The following ADCY9 variants were observed in gnomAD, a reference collection of about 807,000 sequenced individuals.
The protein encoded by ADCY9 is adenylate cyclase type 9.
In ADCY9, 50 loss-of-function variants were observed where a neutral mutation model predicts 101.5. The ratio of observed to expected loss-of-function variants is 0.49; its 90% CI spans 0.39 to 0.62. ADCY9 has a LOEUF of 0.62. Among genes scored for constraint, ADCY9 ranks in the 20% least tolerant of loss-of-function variants. The probability of loss-of-function intolerance (pLI) is 0.00; values close to 1 mark genes in which losing one functional copy is unlikely to be tolerated. For missense variants in ADCY9, 1,662 were observed against 1,800.4 expected (o/e 0.92, Z 1.39); for synonymous variants, 905 against 769.3 (o/e 1.18, Z -2.92).
intron 2 of ADCY9, among the ~76,000 whole-genome samples, chr16:4,047,505 T>C (rs567194327): frequency 2.1e-5 from 3 of 142,870 alleles, no homozygotes; most frequent in Admixed American, 6.7e-5. Context: ...TGGGGGGCAA[T>C]TGGATTGACA....
chr16:4,070,054 C>T (rs777201863), intron 2 of ADCY9, among the ~76,000 whole-genome samples: 2 of 152,054 alleles, frequency 1.3e-5, no homozygotes, highest in Non-Finnish European at 2.9e-5. Flanking sequence ...GTTAAGATTG[C>T]GCTACTGCAC....
intron 2 of ADCY9, among the ~76,000 whole-genome samples, chr16:4,069,535 C>T (rs2056820848): frequency 6.6e-6 from 1 of 151,950 alleles, no homozygotes; most frequent in African/African-American, 2.4e-5. Flanking sequence ...ATTCTATGAA[C>T]AATGAATAAA....
At chr16:3,969,017 T>C (rs895652593) in intron 10 of ADCY9, among the ~76,000 whole-genome samples, 2 of 152,210 alleles carry the variant, frequency 1.3e-5, no homozygotes, top group Non-Finnish European at 2.9e-5. Flanking sequence ...AGATTATTTT[T>C]GTACTTTTAC....
At chr16:4,055,925 G>T (rs1597197206) in intron 2 of ADCY9, among the ~76,000 whole-genome samples, 1 of 152,164 alleles carries the variant, frequency 6.6e-6, no homozygotes, top group African/African-American at 2.4e-5. Context: ...AAAGATGCCT[G>T]AGCCTGCAAG....
intron 3 of ADCY9, among the ~76,000 whole-genome samples, chr16:4,005,540 T>C (rs1253590662): frequency 6.6e-6 from 1 of 152,182 alleles, no homozygotes; most frequent in Non-Finnish European, 1.5e-5. Flanking sequence ...TCTGTCAACT[T>C]GATAGATCAC....
chr16:4,112,098 T>G (rs2057117401), intron 2 of ADCY9, among the ~76,000 whole-genome samples: 1 of 152,102 alleles, frequency 6.6e-6, no homozygotes, highest in African/African-American at 2.4e-5. Context: ...CGTCCCACAG[T>G]CTCCAAGGAC....
intron 2 of ADCY9, among the ~76,000 whole-genome samples, chr16:4,105,720 C>T (rs2057072785): frequency 1.3e-5 from 2 of 150,434 alleles, no homozygotes; most frequent in South Asian, 2.1e-4. Context: ...TGGTGGCATG[C>T]GCCTGTGTCC....
At chr16:4,023,711 G>A (rs1459738271) in intron 2 of ADCY9, among the ~76,000 whole-genome samples, 6 of 152,106 alleles carry the variant, frequency 3.9e-5, no homozygotes, top group East Asian at 1.9e-4. Flanking sequence ...TAAGGAGTTC[G>A]AGACCATCCT....
At chr16:4,100,536 G>A (rs551747329) in intron 2 of ADCY9, among the ~76,000 whole-genome samples, 31 of 151,992 alleles carry the variant, frequency 2.0e-4, no homozygotes, top group African/African-American at 5.6e-4. Flanking sequence ...TTGCCATGTC[G>A]GACAGGCTGG....
In ADCY9 at chr16:4,097,343, T is replaced by C. The variant is rs567583187; in HGVS notation, c.1693+16407A>G. Among the ~76,000 whole-genome samples, 291 of 151,002 alleles carry C rather than the reference T, an allele frequency of 1.9e-3. 1 individual carries two copies. The highest frequency in any genetic ancestry group is 6.7e-3 in the African/African-American group (275 of 41,102). ...CCGGAGCCTCTATTTAATGAACCAC[T>C]CAGTCATTCCAGCAAAGCGGTTACT... On this transcript the variant is annotated intron_variant, in intron 2 of 10. Transcript: ENST00000294016.
At chr16:4,085,134 G>A (rs1307599865) in intron 2 of ADCY9, among the ~76,000 whole-genome samples, 2 of 152,140 alleles carry the variant, frequency 1.3e-5, no homozygotes, top group African/African-American at 2.4e-5. Flanking sequence ...GGTCAAGGTG[G>A]GCAGATCGCT....
chr16:4,038,922 C>A (rs2056608332), intron 2 of ADCY9, among the ~76,000 whole-genome samples: 1 of 152,110 alleles, frequency 6.6e-6, no homozygotes, highest in Non-Finnish European at 1.5e-5. Context: ...TCTTCCAATT[C>A]ATCCTCCATT....
intron 10 of ADCY9, among the ~76,000 whole-genome samples, chr16:3,969,158 G>A (rs370105642): frequency 2.6e-5 from 4 of 151,966 alleles, no homozygotes; most frequent in Admixed American, 6.6e-5. Flanking sequence ...TGCTTTCAGC[G>A]GGGCTGTCTC....
chr16:4,065,285 G>A (rs1217609535), intron 2 of ADCY9, among the ~76,000 whole-genome samples: 1 of 152,158 alleles, frequency 6.6e-6, no homozygotes, highest in African/African-American at 2.4e-5. Context: ...ACACGTGCAT[G>A]CTCCTTTCAC....
chr16:3,997,640 G>A (rs2056297707), intron 3 of ADCY9, among the ~76,000 whole-genome samples: 1 of 152,252 alleles, frequency 6.6e-6, no homozygotes, highest in Non-Finnish European at 1.5e-5. Context: ...GGCCGGGACA[G>A]TGCTCACTGC....
At chr16:4,014,299 A>G (rs2056423090) in intron 2 of ADCY9, among the ~76,000 whole-genome samples, 1 of 150,564 alleles carries the variant, frequency 6.6e-6, no homozygotes, top group African/African-American at 2.4e-5. Flanking sequence ...AGCCTGGGTG[A>G]CAGAGTGAGA....
intron 2 of ADCY9, among the ~76,000 whole-genome samples, chr16:4,109,783 C>T (rs1472991201): frequency 6.6e-6 from 1 of 152,160 alleles, no homozygotes. Flanking sequence ...TACTCGACAC[C>T]TCATTAATCT....
intron 2 of ADCY9, among the ~76,000 whole-genome samples, chr16:4,056,842 G>A (rs1410652846): frequency 6.6e-6 from 1 of 152,126 alleles, no homozygotes; most frequent in Non-Finnish European, 1.5e-5. Context: ...TGGTTGACAA[G>A]GCGGCCACAC....
intron 2 of ADCY9, among the ~76,000 whole-genome samples, chr16:4,047,043 C>T (rs1567452853): frequency 6.6e-6 from 1 of 151,944 alleles, no homozygotes; most frequent in African/African-American, 2.4e-5. Context: ...AAACATATTC[C>T]ACAAAAAAGA....
Sources: allele counts gnomAD v4.1 joint callset (sites outside exome capture counted in the v4.1 genomes callset), GRCh38; gene constraint gnomAD v4.1.1; transcripts MANE v1.5; gene names NCBI Gene and HGNC (gene_info 2026-07-23, HGNC 2026-07-21).